Variants in FDFT1 observed in about 807,000 individuals in gnomAD.
FDFT1 encodes the protein farnesyl-diphosphate farnesyltransferase 1.
In FDFT1, 68 loss-of-function variants were observed where a neutral mutation model predicts 46.8. That is an observed-to-expected ratio of 1.45 (90% confidence interval 1.19 to 1.78). The LOEUF (loss-of-function observed/expected upper bound fraction) is 1.78, where lower values mean the gene tolerates loss of function less well. FDFT1 is among the 40% of genes most tolerant of loss of function. The pLI is 0.00. For missense variants in FDFT1, 928 were observed against 524.4 expected (o/e 1.77, Z -7.52); for synonymous variants, 351 against 185.1 (o/e 1.90, Z -7.28).
At chr8:11,824,317 G>A (rs920115627) in intron 4 of FDFT1, among the ~76,000 whole-genome samples, 7 of 151,568 alleles carry the variant, frequency 4.6e-5, no homozygotes, top group Admixed American at 2.0e-4. Flanking sequence ...TTGCTGTCGC[G>A]GAAAAAAAAA....
chr8:11,813,885 C>T lies in FDFT1; in HGVS notation c.381+4035C>T, dbSNP rs538495469. 5.3e-5 allele frequency among the ~76,000 whole-genome samples: 8 copies of T among 150,748 alleles called. 1 individual carries two copies. Among genetic ancestry groups the T allele is most frequent in the Non-Finnish European group, 1.0e-4 (7 of 67,622 alleles). ...AACATATGAAACTGGGCACTGAGTG[C>T]GGAGTCAGGAAAGCCCTGTCCATCC... On this transcript the variant is annotated intron_variant, in intron 3 of 7. Transcript: ENST00000220584.
chr8:11,814,989 G>C (rs1411597156), intron 3 of FDFT1, among the ~76,000 whole-genome samples: 1 of 152,052 alleles, frequency 6.6e-6, no homozygotes, highest in Non-Finnish European at 1.5e-5. Flanking sequence ...ATTTACATTA[G>C]GTATTTCTCG....
chr8:11,802,866 G>GAGTT lies in FDFT1; in HGVS notation c.35_38dup (p.Phe13LeufsTer74). 1 of 1,612,384 alleles carries GAGTT rather than the reference G, an allele frequency of 6.2e-7. No individual in the cohort carries two copies. Among genetic ancestry groups the GAGTT allele is most frequent in the South Asian group, 1.1e-5 (1 of 90,676 alleles). On this transcript the variant is annotated frameshift_variant, in exon 1 of 8. Coordinates refer to ENST00000220584, the MANE Select transcript of FDFT1 (RefSeq NM_004462.5). LOFTEE classifies it high-confidence loss of function. ...CGTGAAATGCCTTGGCCACCCCGAA[G>GAGTT]AGTTCTACAACCTGGTGCGCTTCCG...
intron 4 of FDFT1, among the ~76,000 whole-genome samples, chr8:11,824,023 C>G (rs1047713764): frequency 6.6e-6 from 1 of 151,440 alleles, no homozygotes; most frequent in Non-Finnish European, 1.5e-5. Context: ...AGCCACTACA[C>G]TCAGCCTTTT....
chr8:11,834,117 G>A (rs533806786), intron 7 of FDFT1, among the ~76,000 whole-genome samples: 1 of 152,202 alleles, frequency 6.6e-6, no homozygotes, highest in East Asian at 1.9e-4. Flanking sequence ...AGGAAGAAAC[G>A]TTGACTCTGT....
upstream of FDFT1, chr8:11,802,375 C>G (rs1188883401): frequency 1.5e-5 from 7 of 452,182 alleles, no homozygotes; most frequent in East Asian, 4.9e-4. Flanking sequence ...CTCCCGACTG[C>G]GGACCACCGT....
At chr8:11,814,283 C>T (rs1173778327) in intron 3 of FDFT1, among the ~76,000 whole-genome samples, 1 of 150,920 alleles carries the variant, frequency 6.6e-6, no homozygotes, top group African/African-American at 2.5e-5. Flanking sequence ...TCTGGAAGTA[C>T]CAGATTGATT....
intron 7 of FDFT1, among the ~76,000 whole-genome samples, chr8:11,836,570 T>G (rs948399689): frequency 2.0e-5 from 3 of 152,268 alleles, no homozygotes; most frequent in Non-Finnish European, 4.4e-5. Flanking sequence ...TCCTGCCTTC[T>G]GTTTCACTTC....
At chr8:11,805,862 A>G (rs968592153) in intron 1 of FDFT1, among the ~76,000 whole-genome samples, 2 of 152,214 alleles carry the variant, frequency 1.3e-5, no homozygotes, top group Non-Finnish European at 2.9e-5. Context: ...CTTGCCACAG[A>G]TGTTTCAGTG....
At chr8:11,805,025 C>T (rs1158725330) in intron 1 of FDFT1, among the ~76,000 whole-genome samples, 2 of 151,352 alleles carry the variant, frequency 1.3e-5, no homozygotes, top group African/African-American at 2.4e-5. Context: ...CCTCCCACCT[C>T]GGCTTCCTGA....
At chr8:11,800,955 G>A (rs1482552539), upstream of FDFT1, among the ~76,000 whole-genome samples, 1 of 152,136 alleles carries the variant, frequency 6.6e-6, no homozygotes, top group Non-Finnish European at 1.5e-5. Context: ...ACAGTAGTAG[G>A]GGAAACACTC....
In FDFT1 at chr8:11,812,088, G is replaced by A. The variant is rs374037159; in HGVS notation, c.381+2238G>A. ...GGCCTCACACACAGTACTGCTCTTA[G>A]ACTGGGGCAAGTGAAACTCCTCACT... On this transcript the variant is annotated intron_variant, in intron 3 of 7. Transcript: ENST00000220584. Among the ~76,000 whole-genome samples, 344 of 152,310 alleles carry A rather than the reference G, an allele frequency of 2.3e-3. 1 individual carries two copies. Among genetic ancestry groups the A allele is most frequent in the Middle Eastern group, 3.4e-3 (1 of 294 alleles).
chr8:11,800,908 G>C (rs575531984), upstream of FDFT1, among the ~76,000 whole-genome samples: 103 of 152,248 alleles, frequency 6.8e-4, no homozygotes, highest in African/African-American at 2.4e-3. Context: ...GGGAGTGGGA[G>C]GGCTGTCCAG....
intron 3 of FDFT1, among the ~76,000 whole-genome samples, chr8:11,812,499 G>T (rs1029824832): frequency 6.6e-6 from 1 of 152,164 alleles, no homozygotes; most frequent in Non-Finnish European, 1.5e-5. Context: ...GGGATATGGG[G>T]ATCAGCTGTC....
upstream of FDFT1, among the ~76,000 whole-genome samples, chr8:11,797,669 C>CA (rs1176762258): frequency 2.6e-4 from 28 of 108,226 alleles, no homozygotes; most frequent in African/African-American, 5.4e-4. Flanking sequence ...AAGAAACAAA[C>CA]AAAAAAAACG....
upstream of FDFT1, chr8:11,798,135 G>A (rs562564479): frequency 6.6e-6 from 1 of 152,302 alleles, no homozygotes; most frequent in East Asian, 1.9e-4. Flanking sequence ...GCAGTGTGGT[G>A]TGGTGATCTC....
chr8:11,825,539 C>CAAA (rs35076894), intron 4 of FDFT1, among the ~76,000 whole-genome samples: 18 of 94,774 alleles, frequency 1.9e-4, no homozygotes, highest in African/African-American at 6.4e-4. Flanking sequence ...GACTTGATCT[C>CAAA]AAAAAAAAAA....
intron 2 of FDFT1, 31 bp from the exon 3 acceptor site, chr8:11,809,636 C>A: frequency 2.6e-6 from 4 of 1,546,626 alleles, no homozygotes; most frequent in Non-Finnish European, 3.5e-6. Context: ...CTGTTTGTTC[C>A]AATATATTAA....
intron 1 of FDFT1, chr8:11,803,448 TC>T: frequency 1.6e-6 from 2 of 1,283,216 alleles, no homozygotes; most frequent in Non-Finnish European, 2.0e-6. Flanking sequence ...AGTTTTAAAA[TC>T]GCCTATCTAC....
Sources: gnomAD v4.1 joint callset for allele counts (sites outside exome capture counted in the v4.1 genomes callset) on GRCh38, gnomAD v4.1.1 for gene constraint, MANE v1.5 for transcripts, NCBI Gene and HGNC (gene_info 2026-07-23, HGNC 2026-07-21) for gene names.